The following FOXN3 variants were observed in gnomAD, a reference collection of about 807,000 sequenced individuals.
FOXN3 encodes the protein forkhead box N3.
In FOXN3, 7 loss-of-function variants were observed where a neutral mutation model predicts 38.4. The ratio of observed to expected loss-of-function variants is 0.18; its 90% CI spans 0.10 to 0.34. The LOEUF is 0.34. Ranked by LOEUF, FOXN3 falls within the 10% of genes least tolerant of loss-of-function variation. FOXN3 has a pLI of 1.00. For missense variants in FOXN3, 456 were observed against 613.4 expected (o/e 0.74, Z 2.71); for synonymous variants, 230 against 242.2 (o/e 0.95, Z 0.47).
At chr14:89,404,100 T>C (rs1891321023) in intron 2 of FOXN3, among the ~76,000 whole-genome samples, 1 of 152,012 alleles carries the variant, frequency 6.6e-6, no homozygotes, top group African/African-American at 2.4e-5. Context: ...GTTGAATAAA[T>C]GAATGAATGA....
At chr14:89,456,211 A>AC (rs928049959) in intron 1 of FOXN3, among the ~76,000 whole-genome samples, 3 of 151,318 alleles carry the variant, frequency 2.0e-5, no homozygotes, top group African/African-American at 7.3e-5. Flanking sequence ...AAAAAAAAAA[A>AC]AAACTAACCA....
At chr14:89,411,100 T>C (rs9652390) in intron 2 of FOXN3, among the ~76,000 whole-genome samples, 72,690 of 151,856 alleles carry the variant, frequency 0.48, 18,031 homozygotes, top group Admixed American at 0.57. Context: ...GCGGTGGCAT[T>C]AGATTCTCAT....
Position 89,589,605 on chromosome 14 carries a change from G to A in FOXN3, c.-15+29423C>T, listed in dbSNP as rs1367431692. 3.3e-5 allele frequency among the ~76,000 whole-genome samples: 5 copies of A among 151,974 alleles called. No individual in the cohort carries two copies. In the East Asian group the frequency reaches 9.7e-4, roughly 29 times the overall value. On this transcript the variant is annotated intron_variant, in intron 1 of 6. Transcript: ENST00000345097. ...AGGCGAACAGTTGCGGCCGCACCAT[G>A]CAGCATGAATCTGAAATGCTGTGAA...
intron 1 of FOXN3, among the ~76,000 whole-genome samples, chr14:89,602,651 C>T (rs1252323922): frequency 6.6e-6 from 1 of 151,818 alleles, no homozygotes; most frequent in East Asian, 2.0e-4. Context: ...CACCTGCCAC[C>T]ACACCTGGCT....
chr14:89,362,761 A>T (rs556251049), intron 2 of FOXN3, among the ~76,000 whole-genome samples: 2 of 108,110 alleles, frequency 1.8e-5, no homozygotes, highest in Admixed American at 2.0e-4. Context: ...CACCACCACC[A>T]CCACCACCAC....
intron 2 of FOXN3, among the ~76,000 whole-genome samples, chr14:89,383,643 T>G (rs1417657892): frequency 2.0e-5 from 3 of 152,220 alleles, no homozygotes; most frequent in Non-Finnish European, 4.4e-5. Context: ...AGTCTCTTCC[T>G]GTGTCATCTT....
intron 1 of FOXN3, among the ~76,000 whole-genome samples, chr14:89,562,581 C>CT (rs1317935502): frequency 6.6e-6 from 1 of 152,084 alleles, no homozygotes; most frequent in Admixed American, 6.6e-5. Flanking sequence ...ATTTACATAG[C>CT]TACTCTACAC....
intron 4 of FOXN3, among the ~76,000 whole-genome samples, chr14:89,207,259 C>A (rs1888410111): frequency 6.6e-6 from 1 of 151,956 alleles, no homozygotes; most frequent in Admixed American, 6.6e-5. Flanking sequence ...CAAAACAACA[C>A]AACTCCTCCA....
chr14:89,360,022 G>A (rs537191493), intron 2 of FOXN3, among the ~76,000 whole-genome samples: 1 of 152,278 alleles, frequency 6.6e-6, no homozygotes, highest in East Asian at 1.9e-4. Flanking sequence ...CTGTCATTCT[G>A]TCCAGCATAT....
chr14:89,342,854 T>C (rs1888653580), intron 3 of FOXN3, among the ~76,000 whole-genome samples: 1 of 152,226 alleles, frequency 6.6e-6, no homozygotes, highest in African/African-American at 2.4e-5. Flanking sequence ...ATTAAACTTA[T>C]CCAAATAAGT....
chr14:89,208,546 C>T (rs1229161006), intron 4 of FOXN3, among the ~76,000 whole-genome samples: 1 of 152,150 alleles, frequency 6.6e-6, no homozygotes, highest in African/African-American at 2.4e-5. Context: ...AAGATTGCTA[C>T]AGAGACTCTT....
chr14:89,524,170 C>T (rs146781592), intron 1 of FOXN3, among the ~76,000 whole-genome samples: 7 of 146,964 alleles, frequency 4.8e-5, no homozygotes, highest in Admixed American at 3.4e-4. Context: ...GTCAGGAGAT[C>T]GAGACCATCC....
At chr14:89,420,839 A>T (rs1000190820), upstream of FOXN3, among the ~76,000 whole-genome samples, 11 of 151,338 alleles carry the variant, frequency 7.3e-5, no homozygotes, top group Non-Finnish European at 1.6e-4. Flanking sequence ...AAGGTGGCTC[A>T]CTGAATATTT....
intron 4 of FOXN3, among the ~76,000 whole-genome samples, chr14:89,242,485 T>C (rs755825755): frequency 3.3e-5 from 5 of 152,160 alleles, no homozygotes; most frequent in Non-Finnish European, 5.9e-5. Context: ...AAATGCTGAA[T>C]TTGTGGCATT....
chr14:89,349,527 C>A (rs181703750), intron 3 of FOXN3: 2 of 152,756 alleles, frequency 1.3e-5, no homozygotes, highest in East Asian at 3.9e-4. Context: ...CCTTGTGATG[C>A]AACTGCACCT....
At chr14:89,550,087 C>G (rs1018099900) in intron 1 of FOXN3, among the ~76,000 whole-genome samples, 4 of 152,188 alleles carry the variant, frequency 2.6e-5, no homozygotes, top group African/African-American at 9.7e-5. Flanking sequence ...AAGCAAACAC[C>G]AGTACTCTAA....
chr14:89,488,682 T>G lies in FOXN3; in HGVS notation c.-14-76192A>C, dbSNP rs181233050. 1.9e-3 allele frequency among the ~76,000 whole-genome samples: 290 copies of G among 152,014 alleles called. 2 individuals carry two copies. Among genetic ancestry groups the G allele is most frequent in the Non-Finnish European group, 2.4e-3 (163 of 67,982 alleles). On this transcript the variant is annotated intron_variant, in intron 1 of 6. Coordinates refer to the FOXN3 transcript ENST00000345097. ...TTTCTGTACTTTCGGCAGTGCATTTTCTAGAGGGAAGAACCGCAACTGCTT... is the reference window on the plus strand; with the variant it reads ...TTTCTGTACTTTCGGCAGTGCATTTGCTAGAGGGAAGAACCGCAACTGCTT...
chr14:89,605,349 A>C (rs990888377), intron 1 of FOXN3, among the ~76,000 whole-genome samples: 2 of 152,166 alleles, frequency 1.3e-5, no homozygotes, highest in African/African-American at 4.8e-5. Flanking sequence ...AAGAACCACT[A>C]GAAAAGGATC....
At chr14:89,186,867 G>A (rs1566924162) in intron 4 of FOXN3, among the ~76,000 whole-genome samples, 2 of 152,206 alleles carry the variant, frequency 1.3e-5, no homozygotes, top group African/African-American at 4.8e-5. Flanking sequence ...TCCAGCCCAA[G>A]CAAGACATGG....
Sources: allele counts gnomAD v4.1 joint callset (sites outside exome capture counted in the v4.1 genomes callset), GRCh38; gene constraint gnomAD v4.1.1; transcripts MANE v1.5; gene names NCBI Gene and HGNC (gene_info 2026-07-23, HGNC 2026-07-21).